The following ULK4 variants were observed in gnomAD, a reference collection of about 807,000 sequenced individuals.
ULK4 encodes the protein inactive serine/threonine-protein kinase ULK4.
A neutral mutation model predicts 160.6 loss-of-function variants in ULK4; 133 were observed. The ratio of observed to expected loss-of-function variants is 0.83; its 90% CI spans 0.72 to 0.96. The LOEUF (loss-of-function observed/expected upper bound fraction) is 0.96. Among genes scored for constraint, ULK4 ranks in the 40% least tolerant of loss-of-function variants. ULK4 has a pLI of 0.00. For synonymous variants in ULK4, 534 were observed against 539.8 expected, an observed-to-expected ratio of 0.99 and a Z score of 0.15; for missense variants, 1,580 against 1,499.5, an observed-to-expected ratio of 1.05 and a Z score of -0.89.
In ULK4 at chr3:41,802,325, T is replaced by A. The variant is rs1402940566; in HGVS notation, c.1849-2032A>T. 2.0e-5 allele frequency among the ~76,000 whole-genome samples: 3 copies of A among 152,204 alleles called. No homozygotes were observed. The East Asian group carries it at 5.8e-4, about 29-fold the overall frequency. Reference sequence around the variant, plus strand: ...TGCTGTTTTTCTTTTTGAGACACAGTCTCACTCTGTCACCCAGACTGAAGT... The same window carrying A: ...TGCTGTTTTTCTTTTTGAGACACAGACTCACTCTGTCACCCAGACTGAAGT... On this transcript the variant is annotated intron_variant, in intron 19 of 36. Transcript: ENST00000301831.
In ULK4 at chr3:41,677,581, T is replaced by A. The variant is rs1425483334; in HGVS notation, c.2978+3927A>T. Among the ~76,000 whole-genome samples the A allele has an allele frequency of 3.3e-5, 5 of 152,138 alleles. No homozygotes were observed. The East Asian group carries it at 9.7e-4, about 29-fold the overall frequency. Reference sequence around the variant, plus strand: ...CTCCTGACCTTATGATCCGCATGCCTCGGCCTCCCAAAGTGCTGGGATTAC... The same window carrying A: ...CTCCTGACCTTATGATCCGCATGCCACGGCCTCCCAAAGTGCTGGGATTAC... On this transcript the variant is annotated intron_variant, in intron 29 of 36. Transcript: ENST00000301831.
intron 32 of ULK4, among the ~76,000 whole-genome samples, chr3:41,495,585 A>C (rs1316017802): frequency 6.6e-6 from 1 of 150,714 alleles, no homozygotes; most frequent in Admixed American, 6.7e-5. Context: ...AATGGGATCT[A>C]ATTGAACTAA....
chr3:41,463,305 T>A, intron 32 of ULK4, 52 bp from the exon 33 acceptor site: 1 of 1,564,324 alleles, frequency 6.4e-7, no homozygotes. Flanking sequence ...TACACAAATG[T>A]GTCATATGAA....
rs759676178 is a variant in ULK4, at chr3:41,912,796, G to A, written c.896+11C>T. 2 of 1,612,498 alleles carry A rather than the reference G, an allele frequency of 1.2e-6. No individual in the cohort carries two copies. Among genetic ancestry groups the A allele is most frequent in the Admixed American group, 1.7e-5 (1 of 60,004 alleles). ...AACTATGTCCCATACACAAAGGTAAGTGTATACTACCTGAGACTGAGATCT... is the reference window on the plus strand; with the variant it reads ...AACTATGTCCCATACACAAAGGTAAATGTATACTACCTGAGACTGAGATCT... On this transcript the variant is annotated intron_variant, in intron 9 of 36. Transcript: ENST00000301831.
At chr3:41,633,768 T>C (rs1451605691) in intron 30 of ULK4, among the ~76,000 whole-genome samples, 5 of 152,098 alleles carry the variant, frequency 3.3e-5, no homozygotes, top group South Asian at 2.1e-4. Flanking sequence ...GATAATCTAC[T>C]GAATGCATGA....
intron 18 of ULK4, among the ~76,000 whole-genome samples, chr3:41,827,633 G>T (rs558222180): frequency 2.6e-5 from 4 of 152,142 alleles, no homozygotes; most frequent in African/African-American, 9.6e-5. Context: ...CCAATAACAG[G>T]ATCTGAAATT....
At chr3:41,496,758 C>T (rs376598389) in intron 32 of ULK4, among the ~76,000 whole-genome samples, 4 of 151,926 alleles carry the variant, frequency 2.6e-5, no homozygotes, top group Non-Finnish European at 4.4e-5. Flanking sequence ...CAAGGAGTTC[C>T]GACAATCCAG....
At chr3:41,731,049 A>T (rs1575618181) in intron 22 of ULK4, among the ~76,000 whole-genome samples, 1 of 152,182 alleles carries the variant, frequency 6.6e-6, no homozygotes, top group African/African-American at 2.4e-5. Context: ...AATAATGGCC[A>T]TATATGACAA....
intron 21 of ULK4, among the ~76,000 whole-genome samples, chr3:41,787,108 C>T (rs1453459866): frequency 6.6e-6 from 1 of 152,070 alleles, no homozygotes; most frequent in Non-Finnish European, 1.5e-5. Flanking sequence ...ATGGAAAAAC[C>T]ACACCCCAAC....
At chr3:41,370,946 G>A (rs981629144) in intron 35 of ULK4, among the ~76,000 whole-genome samples, 8 of 152,152 alleles carry the variant, frequency 5.3e-5, no homozygotes, top group African/African-American at 1.4e-4. Flanking sequence ...CTGGATGCTC[G>A]AGCTTGGTGG....
intron 32 of ULK4, among the ~76,000 whole-genome samples, chr3:41,477,381 A>G (rs910417172): frequency 6.6e-6 from 1 of 152,196 alleles, no homozygotes; most frequent in Non-Finnish European, 1.5e-5. Context: ...AAAGTGCTTT[A>G]TATCTCATTT....
At chr3:41,848,305 T>TA (rs1347991532) in intron 17 of ULK4, among the ~76,000 whole-genome samples, 1 of 152,198 alleles carries the variant, frequency 6.6e-6, no homozygotes, top group Non-Finnish European at 1.5e-5. Context: ...AGTTTGGAGA[T>TA]ACTAGGTAAA....
chr3:41,953,472 T>A (rs922071894), intron 2 of ULK4, among the ~76,000 whole-genome samples: 1 of 151,576 alleles, frequency 6.6e-6, no homozygotes, highest in Non-Finnish European at 1.5e-5. Flanking sequence ...CCAGCTAATT[T>A]TAGTATTTTT....
intron 32 of ULK4, among the ~76,000 whole-genome samples, chr3:41,469,461 C>T (rs1352676134): frequency 6.6e-6 from 1 of 151,804 alleles, no homozygotes; most frequent in Non-Finnish European, 1.5e-5. Context: ...AAGAGCCCAG[C>T]CAGCTGCCTC....
intron 22 of ULK4, among the ~76,000 whole-genome samples, chr3:41,723,320 G>C (rs911636417): frequency 6.6e-6 from 1 of 151,960 alleles, no homozygotes; most frequent in Non-Finnish European, 1.5e-5. Context: ...TTTTGTTATT[G>C]ATTTGGAGGC....
chr3:41,433,135 G>T (rs142609197), intron 34 of ULK4, among the ~76,000 whole-genome samples: 1 of 152,070 alleles, frequency 6.6e-6, no homozygotes, highest in Non-Finnish European at 1.5e-5. Flanking sequence ...GAGTTCTTAC[G>T]AATCAATGAA....
At position 41,741,401 on chromosome 3, in the gene ULK4, A is replaced by G. The variant is rs918586016; in HGVS notation, c.2321+12960T>C. Among the ~76,000 whole-genome samples, 6 of 151,932 alleles carry G rather than the reference A, an allele frequency of 3.9e-5. 1 individual carries two copies. The highest frequency in any genetic ancestry group is 1.2e-4 in the African/African-American group (5 of 41,236). On this transcript the variant is annotated intron_variant, in intron 22 of 36. Coordinates refer to ENST00000301831, the MANE Select transcript of ULK4 (RefSeq NM_017886.4). Reference sequence around the variant, plus strand: ...GCCTTTTTTCACTTATCTATATACAATGAATATCCTTCCAGGTTAATCAAA... The same window carrying G: ...GCCTTTTTTCACTTATCTATATACAGTGAATATCCTTCCAGGTTAATCAAA...
chr3:41,819,064 A>G (rs1218686405), intron 19 of ULK4, among the ~76,000 whole-genome samples: 1 of 152,366 alleles, frequency 6.6e-6, no homozygotes, highest in Non-Finnish European at 1.5e-5. Context: ...GGGTTGTCTC[A>G]GGCTCACAGA....
chr3:41,961,564 C>G (rs1011807552), intron 1 of ULK4, among the ~76,000 whole-genome samples: 12 of 8,144 alleles, frequency 1.5e-3, no homozygotes, highest in African/African-American at 1.8e-3. Flanking sequence ...CCCCCCCCCC[C>G]CCCCCCGCTC....
Sources: allele counts gnomAD v4.1 joint callset (sites outside exome capture counted in the v4.1 genomes callset), GRCh38; gene constraint gnomAD v4.1.1; transcripts MANE v1.5; gene names NCBI Gene and HGNC (gene_info 2026-07-23, HGNC 2026-07-21).